Variants in CANX observed in about 807,000 individuals in gnomAD.
CANX encodes the protein epididymis secretory sperm binding protein.
A neutral mutation model predicts 75.7 loss-of-function variants in CANX; 14 were observed. That is an observed-to-expected ratio of 0.19 (90% CI 0.12 to 0.29). The LOEUF (loss-of-function observed/expected upper bound fraction) is 0.29. Ranked by LOEUF, CANX falls within the 10% of genes least tolerant of loss-of-function variation. The pLI, the probability that CANX is intolerant of heterozygous loss-of-function variation, is 1.00. For synonymous variants in CANX, 227 were observed against 236.9 expected (o/e 0.96, Z 0.38); for missense variants, 567 against 713.2 (o/e 0.79, Z 2.34).
chr5:179,686,348 T>G (rs1776191028), intron 1 of CANX, among the ~76,000 whole-genome samples: 1 of 151,874 alleles, frequency 6.6e-6, no homozygotes. Context: ...TCTGCCTGCC[T>G]CGGCCTCCCA....
intron 8 of CANX, 126 bp from the exon 9 acceptor site, chr5:179,719,542 T>G (rs987984271): frequency 1.9e-6 from 1 of 518,278 alleles, no homozygotes; most frequent in Non-Finnish European, 3.5e-6. Flanking sequence ...AAGTATTTTC[T>G]AAGAGGAATT....
At position 179,684,936 on chromosome 5, in the gene CANX, T is replaced by G. The variant is rs1433238975; in HGVS notation, c.-4+6159T>G. ...CCTGGCTAATTTTGTATTTTTTTTT[T>G]TTTTTTTTTTTTTTTTTTTTACTAG... On this transcript the variant is annotated intron_variant, in intron 1 of 14. Transcript: ENST00000681674. 2.3e-4 allele frequency among the ~76,000 whole-genome samples: 30 copies of G among 133,222 alleles called. No homozygotes were observed. In the East Asian group the frequency reaches 6.9e-3, roughly 31 times the overall value. 87.4% of individuals were successfully genotyped at this position (133,222 alleles called of 152,430 possible).
intron 1 of CANX, among the ~76,000 whole-genome samples, chr5:179,683,331 C>T (rs1776117654): frequency 6.6e-6 from 1 of 151,770 alleles, no homozygotes; most frequent in Non-Finnish European, 1.5e-5. Context: ...GATGGGGTTT[C>T]ACCGTGTTGG....
intron 1 of CANX, among the ~76,000 whole-genome samples, chr5:179,689,379 G>GTTTTTTTTTTTTTTTTTTT (rs958473912): frequency 1.2e-5 from 1 of 83,676 alleles, no homozygotes; most frequent in Non-Finnish European, 2.2e-5. Context: ...AACCCAACAA[G>GTTTTTTTTTTTTTTTTTTT]TTTTTTTTTT....
At chr5:179,718,762 A>G (rs1294893045) in intron 8 of CANX, among the ~76,000 whole-genome samples, 1 of 152,172 alleles carries the variant, frequency 6.6e-6, no homozygotes, top group Non-Finnish European at 1.5e-5. Context: ...TCCCGACCTC[A>G]GGTGATCTGC....
chr5:179,713,022 GCTC>G (rs1276300655), intron 7 of CANX, among the ~76,000 whole-genome samples: 6 of 151,874 alleles, frequency 4.0e-5, no homozygotes, highest in Non-Finnish European at 8.8e-5. Context: ...GCCCGCCTCA[GCTC>G]CTGAAAGTGC....
At chr5:179,709,426 A>G (rs1039863750) in intron 6 of CANX, among the ~76,000 whole-genome samples, 8 of 152,042 alleles carry the variant, frequency 5.3e-5, no homozygotes, top group African/African-American at 1.2e-4. Context: ...AAAAAAAAAA[A>G]AGAGAATTTT....
chr5:179,692,570 G>T (rs1776316762), intron 1 of CANX, among the ~76,000 whole-genome samples: 1 of 152,034 alleles, frequency 6.6e-6, no homozygotes, highest in African/African-American at 2.4e-5. Context: ...TGTTGCCCAG[G>T]CTAGTGGAGT....
intron 14 of CANX, among the ~76,000 whole-genome samples, chr5:179,728,211 A>G (rs549851299): frequency 6.6e-6 from 1 of 152,326 alleles, no homozygotes; most frequent in Admixed American, 6.5e-5. Flanking sequence ...GAGTCAGTCT[A>G]CTTGGATAGC....
intron 4 of CANX, 66 bp from the exon 5 acceptor site, chr5:179,708,173 T>C: frequency 1.4e-6 from 2 of 1,383,254 alleles, no homozygotes; most frequent in Non-Finnish European, 2.0e-6. Context: ...GAGGTGTTTT[T>C]TTTGGCATTT....
At chr5:179,680,768 T>G (rs1776042035) in intron 1 of CANX, 1 of 825,678 alleles carries the variant, frequency 1.2e-6, no homozygotes, top group Non-Finnish European at 1.9e-6. Flanking sequence ...CCATGGGCAG[T>G]GAGAAGAGAA....
rs1291020131 is a variant in CANX at position 179,705,832 on chromosome 5, GCTCCTCCTTCAT to G, written c.156_167del (p.Pro53_Pro56del). 3 of 1,613,590 alleles carry G rather than the reference GCTCCTCCTTCAT, an allele frequency of 1.9e-6. No individual in the cohort carries two copies. The highest frequency in any genetic ancestry group is 3.3e-5 in the Admixed American group (2 of 59,988). On this transcript the variant is annotated inframe_deletion, in exon 2 of 15. Coordinates refer to ENST00000247461, the MANE Select transcript of CANX (RefSeq NM_001746.4). ...AGAAGACTCAAAACCAGATACCACTGCTCCTCCTTCATCTCCCAAGGTTTGAAATGGTCTTTG... is the reference window on the plus strand; with the variant it reads ...AGAAGACTCAAAACCAGATACCACTGCTCCCAAGGTTTGAAATGGTCTTTG...
intron 6 of CANX, among the ~76,000 whole-genome samples, chr5:179,709,294 G>C (rs62404345): frequency 1.3e-5 from 2 of 152,022 alleles, no homozygotes; most frequent in African/African-American, 4.8e-5. Context: ...GGCGCCTGTA[G>C]TCCCAGCCAC....
intron 1 of CANX, among the ~76,000 whole-genome samples, chr5:179,688,361 ATTTTTTT>A (rs35948508): frequency 3.1e-5 from 3 of 95,658 alleles, no homozygotes; most frequent in African/African-American, 4.4e-5. Context: ...CCTAAGGTCA[ATTTTTTT>A]TTTTTTTTTT....
chr5:179,698,650 G>C (rs1471385626), upstream of CANX: 2 of 1,202,186 alleles, frequency 1.7e-6, no homozygotes, highest in South Asian at 2.5e-5. Flanking sequence ...AGGCACCACA[G>C]CAACCGACGC....
chr5:179,723,297 T>G (rs145985842), intron 11 of CANX, among the ~76,000 whole-genome samples: 1 of 152,124 alleles, frequency 6.6e-6, no homozygotes, highest in Admixed American at 6.5e-5. Context: ...TACACTCTTA[T>G]ATGTTGAATC....
upstream of CANX, among the ~76,000 whole-genome samples, chr5:179,698,172 G>A (rs956023347): frequency 1.3e-5 from 2 of 152,160 alleles, no homozygotes; most frequent in Admixed American, 6.5e-5. Context: ...ACTAAGAGTG[G>A]GTTACTAAAA....
chr5:179,703,279 G>A lies in CANX; in HGVS notation c.-3-2400G>A, dbSNP rs577999583. On this transcript the variant is annotated intron_variant, in intron 1 of 14. Coordinates refer to ENST00000247461, the MANE Select transcript of CANX (RefSeq NM_001746.4). ...GTGGCCCAGGCTGGAGTGCAGTGGCGCCATCTCGGGTCACTGCATCCTCCG... is the reference window on the plus strand; with the variant it reads ...GTGGCCCAGGCTGGAGTGCAGTGGCACCATCTCGGGTCACTGCATCCTCCG... Among the ~76,000 whole-genome samples the A allele has an allele frequency of 5.3e-5, 8 of 150,742 alleles. No homozygotes were observed. In the East Asian group the frequency reaches 7.9e-4, roughly 15 times the overall value.
chr5:179,678,868 C>A, intron 1 of CANX: 1 of 1,536,358 alleles, frequency 6.5e-7, no homozygotes, highest in Non-Finnish European at 8.7e-7. Flanking sequence ...GCGGCGACCG[C>A]GTCCTCGCCA....
Sources: allele counts gnomAD v4.1 joint callset (sites outside exome capture counted in the v4.1 genomes callset), GRCh38; gene constraint gnomAD v4.1.1; transcripts MANE v1.5; gene names NCBI Gene and HGNC (gene_info 2026-07-23, HGNC 2026-07-21).